The following AGBL1 variants were observed in gnomAD, a reference collection of about 807,000 sequenced individuals.
The protein encoded by AGBL1 is cytosolic carboxypeptidase 4.
AGBL1 carries 130 observed loss-of-function variants against 118.9 expected under a neutral mutation model. The ratio of observed to expected loss-of-function variants is 1.09; its 90% CI spans 0.95 to 1.26. The LOEUF (loss-of-function observed/expected upper bound fraction) is 1.26. AGBL1 is among the 50% of genes most tolerant of loss of function. The pLI is 0.00. For missense variants in AGBL1, 1,584 were observed against 1,298.1 expected, an observed-to-expected ratio of 1.22 and a Z score of -3.38; for synonymous variants, 555 against 478.9, an observed-to-expected ratio of 1.16 and a Z score of -2.08.
At chr15:86,780,490 T>A (rs1053500149) in intron 22 of AGBL1, among the ~76,000 whole-genome samples, 5 of 152,176 alleles carry the variant, frequency 3.3e-5, no homozygotes, top group African/African-American at 1.2e-4. Flanking sequence ...AATCAACTTA[T>A]AAACTCCCAC....
At chr15:86,793,345 T>A (rs1158257767) in intron 22 of AGBL1, among the ~76,000 whole-genome samples, 1 of 152,190 alleles carries the variant, frequency 6.6e-6, no homozygotes, top group Non-Finnish European at 1.5e-5. Flanking sequence ...ACATCTATGG[T>A]CAATTGATTT....
chr15:86,532,710 A>C (rs569121272), intron 19 of AGBL1, among the ~76,000 whole-genome samples: 35 of 151,736 alleles, frequency 2.3e-4, no homozygotes, highest in African/African-American at 2.9e-4. Context: ...ACTTCAAACT[A>C]TACTACAAGT....
intron 3 of AGBL1, among the ~76,000 whole-genome samples, chr15:86,149,679 G>A (rs558779270): frequency 3.3e-5 from 5 of 152,228 alleles, no homozygotes; most frequent in African/African-American, 7.2e-5. Flanking sequence ...ATAATAATGG[G>A]AGACTTTAAC....
intron 17 of AGBL1, among the ~76,000 whole-genome samples, chr15:86,337,724 G>A (rs1368274146): frequency 1.3e-5 from 2 of 152,094 alleles, no homozygotes; most frequent in Non-Finnish European, 2.9e-5. Flanking sequence ...TGGAGGGTGG[G>A]GAGAGCATTA....
intron 24 of AGBL1, among the ~76,000 whole-genome samples, chr15:87,024,532 G>A (rs935565285): frequency 4.0e-5 from 6 of 151,880 alleles, no homozygotes; most frequent in East Asian, 1.9e-4. Context: ...ATTCCCAGAC[G>A]TATTCACAGC....
intron 21 of AGBL1, among the ~76,000 whole-genome samples, chr15:86,582,520 C>T (rs924923830): frequency 1.6e-4 from 25 of 151,870 alleles, no homozygotes. Context: ...GCGTATATAC[C>T]CAAAGGTTAT....
At chr15:86,848,376 A>G (rs2079349082) in intron 22 of AGBL1, among the ~76,000 whole-genome samples, 1 of 152,212 alleles carries the variant, frequency 6.6e-6, no homozygotes, top group African/African-American at 2.4e-5. Flanking sequence ...CCCTGTTTCA[A>G]TAAATTATTT....
intron 5 of AGBL1, among the ~76,000 whole-genome samples, chr15:86,176,161 G>A (rs2077479036): frequency 6.6e-6 from 1 of 152,214 alleles, no homozygotes; most frequent in Non-Finnish European, 1.5e-5. Context: ...TAATCTCCAA[G>A]TTCCCTGATT....
intron 18 of AGBL1, among the ~76,000 whole-genome samples, chr15:86,405,898 C>T (rs1315373507): frequency 6.6e-6 from 1 of 151,692 alleles, no homozygotes; most frequent in African/African-American, 2.4e-5. Flanking sequence ...GAAGCAAATG[C>T]CAGAGGAGGA....
At chr15:86,087,296 G>A (rs1230408421) in intron 1 of AGBL1, among the ~76,000 whole-genome samples, 1 of 149,720 alleles carries the variant, frequency 6.7e-6, no homozygotes, top group Non-Finnish European at 1.5e-5. Flanking sequence ...CAGGAGCTAT[G>A]CAAAGTTTTT....
rs1188231480 is a variant in AGBL1 at position 86,262,636 on chromosome 15, T to C, written c.970-142T>C. 4.3e-6 allele frequency: 3 copies of C among 702,814 alleles called. No homozygotes were observed. The East Asian group carries it at 8.1e-5, about 19-fold the overall frequency. 43.5% of individuals were successfully genotyped at this position (702,814 alleles called of 1,614,324 possible). A position where few individuals can be genotyped will look rare whatever the true frequency, so the allele number is the denominator to read the frequency against. On this transcript the variant is annotated intron_variant, in intron 9 of 22. Coordinates refer to ENST00000614907, the MANE Select transcript of AGBL1 (RefSeq NM_001386094.1). ...AAATACAATCCAGCATAACAAATTC[T>C]TCACTGGATGGGCCAGTGCTATAAT...
intron 22 of AGBL1, among the ~76,000 whole-genome samples, chr15:86,761,763 C>G (rs986924549): frequency 6.6e-6 from 1 of 151,996 alleles, no homozygotes; most frequent in African/African-American, 2.4e-5. Flanking sequence ...TGCAATATTT[C>G]TCTCCCATTC....
chr15:86,442,636 A>G (rs1382364452), intron 18 of AGBL1, among the ~76,000 whole-genome samples: 1 of 152,196 alleles, frequency 6.6e-6, no homozygotes, highest in Non-Finnish European at 1.5e-5. Context: ...GGAATGAATT[A>G]ACTTTGGGAA....
At chr15:86,936,197 G>A (rs1285454567) in intron 23 of AGBL1, among the ~76,000 whole-genome samples, 1 of 152,010 alleles carries the variant, frequency 6.6e-6, no homozygotes, top group Admixed American at 6.6e-5. Flanking sequence ...CTTTTGAATG[G>A]ACAACAAATG....
intron 22 of AGBL1, among the ~76,000 whole-genome samples, chr15:86,716,700 A>C (rs916184003): frequency 6.6e-6 from 1 of 152,236 alleles, no homozygotes; most frequent in African/African-American, 2.4e-5. Context: ...AGCTCATAAC[A>C]TAGATGTCAA....
chr15:86,545,896 G>A (rs891532443), intron 19 of AGBL1, 106 bp from the exon 20 acceptor site: 1 of 1,374,276 alleles, frequency 7.3e-7, no homozygotes, highest in Non-Finnish European at 9.9e-7. Flanking sequence ...AGTTGACATT[G>A]TAAACTTTCT....
intron 17 of AGBL1, among the ~76,000 whole-genome samples, chr15:86,328,759 T>C (rs2080225495): frequency 6.6e-6 from 1 of 152,150 alleles, no homozygotes; most frequent in African/African-American, 2.4e-5. Flanking sequence ...GAGAGAGCAT[T>C]TTGTTTCTCC....
rs545966275 is a variant in AGBL1, at chr15:86,930,824, A to G, written c.3222-57163A>G. On this transcript the variant is annotated intron_variant, in intron 23 of 24. Transcript: ENST00000441037. Reference sequence around the variant, plus strand: ...CTTCAAGGGGAATTCCAGGCACATAAAAGTAAATGAGCAACTTGGCAAGCA... The same window carrying G: ...CTTCAAGGGGAATTCCAGGCACATAGAAGTAAATGAGCAACTTGGCAAGCA... Among the ~76,000 whole-genome samples the G allele has an allele frequency of 7.9e-5, 12 of 152,324 alleles. No individual in the cohort carries two copies. The South Asian group carries it at 2.5e-3, about 32-fold the overall frequency.
At chr15:86,472,770 T>A (rs2082495553) in intron 18 of AGBL1, among the ~76,000 whole-genome samples, 1 of 152,092 alleles carries the variant, frequency 6.6e-6, no homozygotes, top group Non-Finnish European at 1.5e-5. Flanking sequence ...AATACAAAAA[T>A]TAGCCAGGTG....
Sources: gnomAD v4.1 joint callset for allele counts (sites outside exome capture counted in the v4.1 genomes callset) on GRCh38, gnomAD v4.1.1 for gene constraint, MANE v1.5 for transcripts, NCBI Gene and HGNC (gene_info 2026-07-23, HGNC 2026-07-21) for gene names.